KIF16B: variants seen among roughly 807,000 people sequenced by gnomAD.
KIF16B encodes the protein kinesin family member 16B.
A neutral mutation model predicts 156.3 loss-of-function variants in KIF16B; 98 were observed. The ratio of observed to expected loss-of-function variants is 0.63; its 90% CI spans 0.53 to 0.74. The LOEUF is 0.74. KIF16B is among the 30% of genes least tolerant of loss of function. The pLI, the probability that KIF16B is intolerant of heterozygous loss-of-function variation, is 0.00. For synonymous variants in KIF16B, 564 were observed against 583.7 expected (o/e 0.97, Z 0.49); for missense variants, 1,421 against 1,606.5 (o/e 0.88, Z 1.97).
chr20:16,371,529 G>T (rs1385924203), intron 21 of KIF16B, 136 bp downstream of exon 21: 1 of 569,514 alleles, frequency 1.8e-6, no homozygotes, highest in Non-Finnish European at 3.1e-6. Context: ...GGTGGAGGTT[G>T]CAGTGAGCCA....
intron 24 of KIF16B, among the ~76,000 whole-genome samples, chr20:16,326,582 C>T (rs6131811): frequency 4.6e-5 from 7 of 151,984 alleles, no homozygotes; most frequent in Non-Finnish European, 7.4e-5. Context: ...CTCAACATCA[C>T]TAATTATCAG....
chr20:16,530,787 C>T (rs1479982060), intron 1 of KIF16B, among the ~76,000 whole-genome samples: 1 of 152,088 alleles, frequency 6.6e-6, no homozygotes, highest in Non-Finnish European at 1.5e-5. Context: ...CTGCAACCTC[C>T]ACCTCCTAGG....
chr20:16,455,409 G>GC (rs2067188093), intron 12 of KIF16B, among the ~76,000 whole-genome samples: 1 of 151,802 alleles, frequency 6.6e-6, no homozygotes, highest in African/African-American at 2.4e-5. Context: ...ACATTATCCT[G>GC]CCCTTTCAGA....
chr20:16,469,818 C>A (rs935884781), intron 12 of KIF16B, among the ~76,000 whole-genome samples: 1 of 152,086 alleles, frequency 6.6e-6, no homozygotes, highest in Non-Finnish European at 1.5e-5. Context: ...AATCATACTG[C>A]TTGGTATTTA....
chr20:16,565,743 C>G (rs2071229050), intron 1 of KIF16B, among the ~76,000 whole-genome samples: 1 of 152,230 alleles, frequency 6.6e-6, no homozygotes. Flanking sequence ...GGAGTTCCCA[C>G]CAGCACCCCG....
At chr20:16,461,747 A>C (rs369506160) in intron 12 of KIF16B, among the ~76,000 whole-genome samples, 3 of 152,348 alleles carry the variant, frequency 2.0e-5, no homozygotes, top group African/African-American at 7.2e-5. Context: ...CTGTTAGATA[A>C]AAGAAAGAAA....
At chr20:16,510,357 T>C (rs1489586552) in intron 6 of KIF16B, among the ~76,000 whole-genome samples, 1 of 152,118 alleles carries the variant, frequency 6.6e-6, no homozygotes, top group African/African-American at 2.4e-5. Flanking sequence ...GGAAATTTAT[T>C]AAAATACAGA....
rs150038395 is a variant in KIF16B at position 16,457,899 on chromosome 20, A to G, written c.1303-27917T>C. Among the ~76,000 whole-genome samples the G allele has an allele frequency of 2.5e-3, 377 of 152,236 alleles. 2 individuals carry two copies. The highest frequency in any genetic ancestry group is 8.6e-3 in the African/African-American group (356 of 41,552). Reference sequence around the variant, plus strand: ...ATCCCTTTTTCCTTTTTGAGAAGAAAAAAAAAAAAATCTAACAAAACTACA... The same window carrying G: ...ATCCCTTTTTCCTTTTTGAGAAGAAGAAAAAAAAAATCTAACAAAACTACA... On this transcript the variant is annotated intron_variant, in intron 12 of 25. Coordinates refer to ENST00000354981, the MANE Select transcript of KIF16B (RefSeq NM_024704.5).
At chr20:16,477,188 GTTT>G (rs553599004) in intron 12 of KIF16B, among the ~76,000 whole-genome samples, 1 of 140,578 alleles carries the variant, frequency 7.1e-6, no homozygotes, top group Non-Finnish European at 1.5e-5. Flanking sequence ...TTCCTTGTGG[GTTT>G]TTTTTTTTTC....
intron 12 of KIF16B, among the ~76,000 whole-genome samples, chr20:16,438,255 C>T (rs946482300): frequency 1.3e-5 from 2 of 152,066 alleles, no homozygotes; most frequent in African/African-American, 4.8e-5. Flanking sequence ...ATACAGTAGG[C>T]CCCCCTGTAT....
intron 12 of KIF16B, among the ~76,000 whole-genome samples, chr20:16,430,849 G>GTATA (rs150403788): frequency 3.8e-4 from 56 of 147,202 alleles, no homozygotes; most frequent in South Asian, 8.7e-4. Flanking sequence ...GTGTGTGTAT[G>GTATA]TATATATATA....
At chr20:16,491,274 G>T (rs1294986651) in intron 12 of KIF16B, among the ~76,000 whole-genome samples, 1 of 152,296 alleles carries the variant, frequency 6.6e-6, no homozygotes, top group South Asian at 2.1e-4. Context: ...GACTCCAGGG[G>T]TGGTGGGCAC....
intron 3 of KIF16B, among the ~76,000 whole-genome samples, chr20:16,520,927 C>T (rs577769635): frequency 3.3e-5 from 5 of 152,144 alleles, no homozygotes; most frequent in Non-Finnish European, 4.4e-5. Context: ...AGCAGACCTG[C>T]AGCAGAGGGG....
chr20:16,273,121 G>A lies in KIF16B; in HGVS notation c.*132C>T, dbSNP rs1020127580. 18 of 752,290 alleles carry A rather than the reference G, an allele frequency of 2.4e-5. No individual in the cohort carries two copies. Among genetic ancestry groups the A allele is most frequent in the Middle Eastern group, 3.9e-4 (1 of 2,548 alleles). The allele number at this position is 752,290 out of a possible 1,614,324, so 46.6% of individuals were successfully genotyped here. A position where few individuals can be genotyped will look rare whatever the true frequency, so the allele number is the denominator to read the frequency against. On this transcript the variant is annotated 3_prime_UTR_variant, in exon 26 of 26. Coordinates refer to ENST00000354981, the MANE Select transcript of KIF16B (RefSeq NM_024704.5). ...TAGGTATGGAAACGTGAGGTGGCCCGGGCCCGCTGCTGCATGTCTGTCTTC... is the reference window on the plus strand; with the variant it reads ...TAGGTATGGAAACGTGAGGTGGCCCAGGCCCGCTGCTGCATGTCTGTCTTC...
chr20:16,410,303 G>A (rs1910822516), intron 15 of KIF16B, among the ~76,000 whole-genome samples: 1 of 143,898 alleles, frequency 6.9e-6, no homozygotes, highest in Non-Finnish European at 1.5e-5. Context: ...ATATATATGT[G>A]TGTGTGTGTG....
At chr20:16,562,034 T>C (rs905042774) in intron 1 of KIF16B, among the ~76,000 whole-genome samples, 17 of 152,198 alleles carry the variant, frequency 1.1e-4, no homozygotes, top group African/African-American at 3.4e-4. Context: ...TTTCTTCGTT[T>C]TGATCATTGT....
chr20:16,416,260 C>T (rs192278878), intron 15 of KIF16B, among the ~76,000 whole-genome samples: 7 of 152,174 alleles, frequency 4.6e-5, no homozygotes, highest in African/African-American at 1.2e-4. Context: ...CTGCTTTTGG[C>T]AATTTCTTCA....
At chr20:16,395,118 C>T (rs923475743) in intron 17 of KIF16B, among the ~76,000 whole-genome samples, 4 of 143,512 alleles carry the variant, frequency 2.8e-5, no homozygotes, top group Admixed American at 7.0e-5. Flanking sequence ...TGTCTTCTTA[C>T]TCTCTCCCTA....
chr20:16,429,154 A>T, intron 13 of KIF16B, 150 bp from the exon 14 acceptor site: 1 of 684,034 alleles, frequency 1.5e-6, no homozygotes, highest in Non-Finnish European at 2.6e-6. Context: ...GAGCTCCCCA[A>T]GGCTCTGTAA....
Sources: allele counts gnomAD v4.1 joint callset (sites outside exome capture counted in the v4.1 genomes callset), GRCh38; gene constraint gnomAD v4.1.1; transcripts MANE v1.5; gene names NCBI Gene and HGNC (gene_info 2026-07-23, HGNC 2026-07-21).